FBN2: variants seen among roughly 807,000 people sequenced by gnomAD.
FBN2 encodes fibrillin 2.
In FBN2, 105 loss-of-function variants were observed where a neutral mutation model predicts 355.6. The ratio of observed to expected loss-of-function variants is 0.30; its 90% CI spans 0.25 to 0.35. The LOEUF is 0.35. Among genes scored for constraint, FBN2 ranks in the 10% least tolerant of loss-of-function variants. The pLI is 1.00. For missense variants in FBN2, 3,280 were observed against 3,758.7 expected (o/e 0.87, Z 3.33); for synonymous variants, 1,350 against 1,301.2 (o/e 1.04, Z -0.81).
intron 27 of FBN2, among the ~76,000 whole-genome samples, chr5:128,337,330 T>C (rs1251301799): frequency 6.6e-6 from 1 of 152,232 alleles, no homozygotes; most frequent in African/African-American, 2.4e-5. Flanking sequence ...TCTGTTCTAT[T>C]TTAGGCTGTC....
intron 57 of FBN2, 118 bp downstream of exon 57, chr5:128,278,517 G>A: frequency 1.2e-6 from 1 of 824,146 alleles, no homozygotes; most frequent in Non-Finnish European, 2.0e-6. Context: ...AAATATCAAG[G>A]TATAAACATT....
At chr5:128,463,759 C>T in intron 6 of FBN2, among the ~76,000 whole-genome samples, 1 of 152,170 alleles carries the variant, frequency 6.6e-6, no homozygotes, top group East Asian at 1.9e-4. Context: ...CAATAGATAA[C>T]ATCTTCACTT....
chr5:128,320,365 C>G (rs1750336637), intron 34 of FBN2, among the ~76,000 whole-genome samples: 1 of 152,038 alleles, frequency 6.6e-6, no homozygotes, highest in Non-Finnish European at 1.5e-5. Context: ...TGGGCAAACA[C>G]CATCACACCT....
intron 5 of FBN2, among the ~76,000 whole-genome samples, chr5:128,471,462 T>TA (rs1400473604): frequency 6.6e-6 from 1 of 152,170 alleles, no homozygotes; most frequent in Non-Finnish European, 1.5e-5. Flanking sequence ...AAATAACTGA[T>TA]ATAATTGCCT....
intron 11 of FBN2, among the ~76,000 whole-genome samples, chr5:128,380,764 C>T (rs1752213557): frequency 1.3e-5 from 2 of 152,040 alleles, no homozygotes; most frequent in Admixed American, 1.3e-4. Context: ...TCTACATGAA[C>T]ACTTCTGTCT....
intron 61 of FBN2, among the ~76,000 whole-genome samples, chr5:128,272,404 C>T (rs542463380): frequency 1.0e-4 from 15 of 150,268 alleles, no homozygotes; most frequent in Non-Finnish European, 2.1e-4. Flanking sequence ...CCATAGCAAC[C>T]ACAAATGTTG....
rs1752669920 is a variant in FBN2, at chr5:128,397,064, C to T, written c.1079-1790G>A. 2.6e-5 allele frequency among the ~76,000 whole-genome samples: 4 copies of T among 152,158 alleles called. No homozygotes were observed. In the South Asian group the frequency reaches 6.2e-4, roughly 24 times the overall value. ...CTGTATAAGAATCGAACAACTCCTTCTATTTCTCCCCAAAATCCCAGTAAG... is the reference window on the plus strand; with the variant it reads ...CTGTATAAGAATCGAACAACTCCTTTTATTTCTCCCCAAAATCCCAGTAAG... On this transcript the variant is annotated intron_variant, in intron 8 of 64. Coordinates refer to ENST00000262464, the MANE Select transcript of FBN2 (RefSeq NM_001999.4).
rs878854477 is a variant in FBN2, at chr5:128,291,657, G to T, written c.6167-3C>A. ...ATCTTCATCACATTCATTTATATCT[G>T]CAGAACAGGGGGAGTATTTATTAGC... is the stretch of plus-strand genomic sequence containing the variant. On this transcript the variant is annotated splice_polypyrimidine_tract_variant and splice_region_variant and intron_variant, in intron 48 of 64. Transcript: ENST00000262464. 1.9e-6 allele frequency: 3 copies of T among 1,612,894 alleles called. No individual in the cohort carries two copies. The highest frequency in any genetic ancestry group is 1.7e-6 in the Non-Finnish European group (2 of 1,178,980).
In FBN2 at chr5:128,311,418, G is replaced by A. The variant is rs755075125; in HGVS notation, c.4956C>T (p.Asp1652=). ...AGAGACCTGGTAACTCCTGGCATTC[G>A]TCAATGTCTACAAAAAGGGAGACAG... ...NPITIILEDI[D]ECQELPGLCQ... The change falls in exon 39 of 65, where the codon GAC becomes GAT. Residue 1652 remains aspartate, a synonymous_variant. Coordinates refer to ENST00000262464, the MANE Select transcript of FBN2 (RefSeq NM_001999.4). 1.1e-5 allele frequency: 18 copies of A among 1,613,840 alleles called. No individual in the cohort carries two copies. The highest frequency in any genetic ancestry group is 6.7e-5 in the African/African-American group (5 of 74,878).
intron 5 of FBN2, among the ~76,000 whole-genome samples, chr5:128,507,161 T>C (rs1755985107): frequency 6.6e-6 from 1 of 152,102 alleles, no homozygotes. Flanking sequence ...TTTGCTTTCT[T>C]AAATGTTTGG....
At chr5:128,523,745 C>T (rs1050762544) in intron 4 of FBN2, among the ~76,000 whole-genome samples, 115 of 152,006 alleles carry the variant, frequency 7.6e-4, no homozygotes, top group Non-Finnish European at 4.4e-4. Flanking sequence ...CCACCAAAAC[C>T]CTCTCCTTGT....
At chr5:128,527,828 T>C (rs1282682430) in intron 4 of FBN2, 44 bp downstream of exon 4, 2 of 1,329,466 alleles carry the variant, frequency 1.5e-6, no homozygotes, top group East Asian at 2.3e-5. Flanking sequence ...TAATATGAAA[T>C]ATCCACCAAA....
At chr5:128,402,024 T>C (rs894766481) in intron 8 of FBN2, among the ~76,000 whole-genome samples, 2 of 152,154 alleles carry the variant, frequency 1.3e-5, no homozygotes, top group Admixed American at 6.5e-5. Context: ...GGATGAGACA[T>C]ACACTGGTGT....
rs558160750 is a variant in FBN2 at position 128,531,669 on chromosome 5, CGTGTGT to C, written c.338-982_338-977del. On this transcript the variant is annotated intron_variant, in intron 2 of 64. Coordinates refer to ENST00000262464, the MANE Select transcript of FBN2 (RefSeq NM_001999.4). ...AGTTTAAAATACATATATATGTGTG[CGTGTGT>C]GTGTATATATATGTATGTATATATA... Among the ~76,000 whole-genome samples the C allele has an allele frequency of 1.5e-3, 221 of 145,968 alleles. 2 individuals are homozygous for C. In the Middle Eastern group the frequency reaches 0.019, roughly 12 times the overall value.
intron 35 of FBN2, 113 bp from the exon 36 acceptor site, chr5:128,318,384 G>A: frequency 1.2e-5 from 12 of 1,041,444 alleles, no homozygotes; most frequent in Non-Finnish European, 1.7e-5. Context: ...AGATCACTAG[G>A]AAAGACTCAA....
chr5:128,421,728 A>G (rs970825472), intron 7 of FBN2, among the ~76,000 whole-genome samples: 4 of 152,204 alleles, frequency 2.6e-5, no homozygotes, highest in Non-Finnish European at 4.4e-5. Flanking sequence ...GAAGCAAGTG[A>G]AGATAAAGAA....
At chr5:128,382,839 C>G (rs1454054206) in intron 11 of FBN2, among the ~76,000 whole-genome samples, 3 of 152,050 alleles carry the variant, frequency 2.0e-5, no homozygotes, top group African/African-American at 7.2e-5. Flanking sequence ...CTTGCCTAGA[C>G]TTATATAAAA....
intron 5 of FBN2, among the ~76,000 whole-genome samples, chr5:128,466,604 C>T (rs925543911): frequency 3.3e-5 from 5 of 152,218 alleles, no homozygotes; most frequent in South Asian, 2.1e-4. Flanking sequence ...AGGCTGTCTC[C>T]GACAGAAGCA....
intron 14 of FBN2, 69 bp downstream of exon 14, chr5:128,376,662 C>T: frequency 6.4e-7 from 1 of 1,568,902 alleles, no homozygotes; most frequent in Non-Finnish European, 8.8e-7. Flanking sequence ...AGTAATTCTT[C>T]CATGGTTCAT....
Sources: allele counts gnomAD v4.1 joint callset (sites outside exome capture counted in the v4.1 genomes callset), GRCh38; gene constraint gnomAD v4.1.1; transcripts MANE v1.5; gene names NCBI Gene and HGNC (gene_info 2026-07-23, HGNC 2026-07-21).